Variants in IPCEF1 observed in about 807,000 individuals in gnomAD.
IPCEF1 encodes interaction protein for cytohesin exchange factors 1.
In IPCEF1, 31 loss-of-function variants were observed where a neutral mutation model predicts 50.9. The observed-to-expected ratio is 0.61, with a 90% CI of 0.46 to 0.82. IPCEF1 has a LOEUF of 0.82. IPCEF1 is among the 40% of genes least tolerant of loss of function. IPCEF1 has a pLI of 0.00. For missense variants in IPCEF1, 458 were observed against 514.0 expected (o/e 0.89, Z 1.05); for synonymous variants, 181 against 192.0 (o/e 0.94, Z 0.47).
chr6:154,227,877 A>T (rs1217167870), intron 5 of IPCEF1, among the ~76,000 whole-genome samples: 1 of 152,150 alleles, frequency 6.6e-6, no homozygotes, highest in Non-Finnish European at 1.5e-5. Flanking sequence ...TTTCCCCAGG[A>T]AATTATCACT....
intron 2 of IPCEF1, among the ~76,000 whole-genome samples, chr6:154,283,235 T>A (rs1443881590): frequency 7.4e-6 from 1 of 134,458 alleles, no homozygotes; most frequent in African/African-American, 2.9e-5. Context: ...GAGGTTGCAG[T>A]GAGCCGAGAT....
intron 1 of IPCEF1, among the ~76,000 whole-genome samples, chr6:154,330,587 T>G (rs1783635934): frequency 6.6e-6 from 1 of 152,126 alleles, no homozygotes; most frequent in Non-Finnish European, 1.5e-5. Context: ...CCTCCCAAAG[T>G]GCTGGGATTA....
At chr6:154,343,091 C>T (rs928476819) in intron 1 of IPCEF1, among the ~76,000 whole-genome samples, 3 of 152,094 alleles carry the variant, frequency 2.0e-5, no homozygotes, top group African/African-American at 4.8e-5. Flanking sequence ...ACTCCAGCCT[C>T]GGCAAAAGAG....
chr6:154,183,450 C>A (rs1406077530), intron 10 of IPCEF1, among the ~76,000 whole-genome samples: 1 of 152,174 alleles, frequency 6.6e-6, no homozygotes, highest in Non-Finnish European at 1.5e-5. Flanking sequence ...CATTTGAGAA[C>A]ATTTTGACCA....
At chr6:154,183,859 C>CA (rs1279358433) in intron 10 of IPCEF1, among the ~76,000 whole-genome samples, 1 of 151,970 alleles carries the variant, frequency 6.6e-6, no homozygotes, top group Non-Finnish European at 1.5e-5. Context: ...CACTGCACTC[C>CA]AGCCTGGGTA....
At chr6:154,195,103 C>T (rs146204496) in intron 10 of IPCEF1, among the ~76,000 whole-genome samples, 1 of 151,328 alleles carries the variant, frequency 6.6e-6, no homozygotes, top group Non-Finnish European at 1.5e-5. Flanking sequence ...CTCTTATTCT[C>T]TTCTTCCCTG....
intron 5 of IPCEF1, among the ~76,000 whole-genome samples, chr6:154,246,127 G>A (rs1348630979): frequency 6.6e-6 from 1 of 152,146 alleles, no homozygotes; most frequent in Non-Finnish European, 1.5e-5. Context: ...GAAAGAAGGG[G>A]AAGAAGAAAG....
intron 9 of IPCEF1, among the ~76,000 whole-genome samples, chr6:154,209,539 CG>C (rs1583805081): frequency 2.0e-5 from 3 of 150,682 alleles, no homozygotes; most frequent in Non-Finnish European, 1.5e-5. Flanking sequence ...CCCAGCTACT[CG>C]GGGGGCCGAG....
intron 5 of IPCEF1, among the ~76,000 whole-genome samples, chr6:154,234,288 C>T (rs1469349340): frequency 3.3e-5 from 5 of 152,168 alleles, no homozygotes. Flanking sequence ...TCACAGGCTC[C>T]CAGGGTTCCC....
chr6:154,267,886 G>A (rs1441069042), intron 2 of IPCEF1, among the ~76,000 whole-genome samples: 1 of 152,258 alleles, frequency 6.6e-6, no homozygotes, highest in Non-Finnish European at 1.5e-5. Context: ...GCAGCTGGTT[G>A]TCAGGATGTC....
chr6:154,325,964 G>T (rs1008867180), intron 1 of IPCEF1, among the ~76,000 whole-genome samples: 1 of 152,064 alleles, frequency 6.6e-6, no homozygotes, highest in East Asian at 1.9e-4. Context: ...AGTGGCTCAC[G>T]CTTGTAATCC....
chr6:154,279,291 A>G (rs1204342275), intron 2 of IPCEF1, among the ~76,000 whole-genome samples: 3 of 152,222 alleles, frequency 2.0e-5, no homozygotes, highest in Admixed American at 2.0e-4. Flanking sequence ...ATAAAAATGT[A>G]TAAGACTTCA....
chr6:154,337,505 C>G (rs78817371), intron 1 of IPCEF1, among the ~76,000 whole-genome samples: 3,223 of 152,294 alleles, frequency 0.021, 60 homozygotes, highest in Non-Finnish European at 0.032. Flanking sequence ...CTCTGAGTCT[C>G]TCTTTTATAC....
intron 3 of IPCEF1, 88 bp downstream of exon 3, chr6:154,265,824 G>C (rs1018189855): frequency 2.2e-6 from 2 of 903,478 alleles, no homozygotes; most frequent in East Asian, 5.1e-5. Flanking sequence ...ACAATAAATT[G>C]CTAGCCAAAC....
At position 154,157,888 on chromosome 6, in the gene IPCEF1, G is replaced by A. The variant is rs1798779005; in HGVS notation, c.*1940C>T. The A allele has an allele frequency of 6.6e-6, 1 of 152,120 alleles. No homozygotes were observed. The highest frequency in any genetic ancestry group is 1.5e-5 in the Non-Finnish European group (1 of 68,050). 9.4% of individuals were successfully genotyped at this position (152,120 alleles called of 1,614,324 possible). A position where few individuals can be genotyped will look rare whatever the true frequency, so the allele number is the denominator to read the frequency against. ...CTGCTTTCCTAAACCAGGGCATCAG[G>A]GTGCAATCTGAGGATCTGAATGTTC... On this transcript the variant is annotated 3_prime_UTR_variant, in exon 12 of 12. Coordinates refer to ENST00000367220, the MANE Select transcript of IPCEF1 (RefSeq NM_001130700.2).
Position 154,298,676 on chromosome 6 carries a change from C to T in IPCEF1, c.-61-8920G>A, listed in dbSNP as rs903809714. ...GAGTAACTCTTATATAGGTTACCAA[C>T]ATTATGGCTGGGCGCAGTGGCTCAC... On this transcript the variant is annotated intron_variant, in intron 1 of 11. Transcript: ENST00000367220. Among the ~76,000 whole-genome samples, 9 of 152,102 alleles carry T rather than the reference C, an allele frequency of 5.9e-5. 1 individual carries two copies. The highest frequency in any genetic ancestry group is 5.2e-4 in the Admixed American group (8 of 15,262).
At position 154,156,509 on chromosome 6, in the gene IPCEF1, A is replaced by G. The variant is rs1237720076; in HGVS notation, c.*3319T>C. 6.6e-6 allele frequency: 1 copy of G among 152,286 alleles called. No homozygotes were observed. The highest frequency in any genetic ancestry group is 6.5e-5 in the Admixed American group (1 of 15,284). The allele number at this position is 152,286 out of a possible 1,614,324, so 9.4% of individuals were successfully genotyped here. ...GGCTCCGGGCCAGGCACTTCACTGT[A>G]ATAATCCACAATCATCTCAGAGCAT... On this transcript the variant is annotated 3_prime_UTR_variant, in exon 12 of 12. Coordinates refer to ENST00000367220, the MANE Select transcript of IPCEF1 (RefSeq NM_001130700.2).
intron 7 of IPCEF1, among the ~76,000 whole-genome samples, chr6:154,219,562 G>C (rs1050186003): frequency 3.3e-5 from 5 of 152,028 alleles, no homozygotes; most frequent in Admixed American, 1.3e-4. Flanking sequence ...GCTAGCGGGC[G>C]AGACCTTGTG....
chr6:154,207,591 C>T (rs544531869), intron 9 of IPCEF1, among the ~76,000 whole-genome samples: 19 of 151,642 alleles, frequency 1.3e-4, no homozygotes, highest in South Asian at 2.1e-4. Context: ...TCTGTAAAGA[C>T]GGGGTTTCAC....
Sources: allele counts gnomAD v4.1 joint callset (sites outside exome capture counted in the v4.1 genomes callset), GRCh38; gene constraint gnomAD v4.1.1; transcripts MANE v1.5; gene names NCBI Gene and HGNC (gene_info 2026-07-23, HGNC 2026-07-21).